The following METTL2B variants were observed in gnomAD, a reference collection of about 807,000 sequenced individuals.
METTL2B encodes the protein methyltransferase 2B, tRNA N3-cytidine.
METTL2B carries 28 observed loss-of-function variants against 51.0 expected under a neutral mutation model. The ratio of observed to expected loss-of-function variants is 0.55; its 90% confidence interval spans 0.41 to 0.75. METTL2B has a LOEUF of 0.75. METTL2B is among the 30% of genes least tolerant of loss of function. The probability of loss-of-function intolerance (pLI) is 0.00; values close to 1 mark genes in which losing one functional copy is unlikely to be tolerated. For missense variants in METTL2B, 313 were observed against 460.7 expected (o/e 0.68, Z 2.93); for synonymous variants, 128 against 166.3 (o/e 0.77, Z 1.77).
At position 128,476,948 on chromosome 7, in the gene METTL2B, C is replaced by T. The variant is rs533600850; in HGVS notation, c.110+73C>T. ...GCCGCCTCGGAGCATTCCGAAAAGC[C>T]CCTGACCGCCGGCCACGAGTCAAGC... On this transcript the variant is annotated intron_variant, in intron 1 of 8. Transcript: ENST00000262432. 6.5e-5 allele frequency: 104 copies of T among 1,598,376 alleles called. No homozygotes were observed. The South Asian group carries it at 8.7e-4, about 13-fold the overall frequency.
At chr7:128,497,136 A>G (rs73463128) in intron 6 of METTL2B, among the ~76,000 whole-genome samples, 2,018 of 152,228 alleles carry the variant, frequency 0.013, 38 homozygotes, top group African/African-American at 0.045. Context: ...TAGCATTTAG[A>G]CTTCTCAAGT....
chr7:128,499,378 G>GTTT (rs1792984307), intron 7 of METTL2B, among the ~76,000 whole-genome samples: 1 of 152,072 alleles, frequency 6.6e-6, no homozygotes, highest in African/African-American at 2.4e-5. Context: ...TTCAGATGGA[G>GTTT]TTTTGCCCTT....
At chr7:128,489,230 A>T (rs1013165469) in intron 5 of METTL2B, among the ~76,000 whole-genome samples, 3 of 152,216 alleles carry the variant, frequency 2.0e-5, no homozygotes, top group Non-Finnish European at 4.4e-5. Flanking sequence ...CAGGAGTTCA[A>T]GACTGGCCTA....
At chr7:128,482,995 T>C (rs1210305064) in intron 4 of METTL2B, 1 of 152,244 alleles carries the variant, frequency 6.6e-6, no homozygotes, top group Non-Finnish European at 1.5e-5. Context: ...ATTACTAATA[T>C]ACATTTAAAT....
At chr7:128,481,754 C>T (rs1452237950) in intron 4 of METTL2B, among the ~76,000 whole-genome samples, 3 of 152,200 alleles carry the variant, frequency 2.0e-5, no homozygotes, top group Non-Finnish European at 2.9e-5. Flanking sequence ...GCAATCGTCT[C>T]ACCTCAGCCT....
intron 6 of METTL2B, among the ~76,000 whole-genome samples, chr7:128,494,791 C>T (rs1170907642): frequency 9.9e-5 from 15 of 152,040 alleles, no homozygotes; most frequent in African/African-American, 3.6e-4. Context: ...CCATGCCTGG[C>T]TAATTTTTGT....
chr7:128,483,936 C>A, intron 4 of METTL2B: 1 of 152,188 alleles, frequency 6.6e-6, no homozygotes, highest in Non-Finnish European at 1.5e-5. Context: ...GTTGGTCAGG[C>A]TGGTCTCGAA....
In METTL2B at chr7:128,501,948, G is replaced by A. The variant is rs777593317; in HGVS notation, c.*32G>A. ...CCTGCTGCCAACACGATGCAAGCCC[G>A]TTGTGTTTCCGAGCTTTTTTAAAAA... On this transcript the variant is annotated 3_prime_UTR_variant, in exon 9 of 9. Coordinates refer to ENST00000262432, the MANE Select transcript of METTL2B (RefSeq NM_018396.3). 52 of 1,608,426 alleles carry A rather than the reference G, an allele frequency of 3.2e-5. No individual in the cohort carries two copies. In the Admixed American group the frequency reaches 5.4e-4, roughly 17 times the overall value.
chr7:128,478,732 C>A (rs61391389), intron 2 of METTL2B, among the ~76,000 whole-genome samples: 1 of 150,812 alleles, frequency 6.6e-6, no homozygotes, highest in African/African-American at 2.4e-5. Context: ...CGGGCGTGGT[C>A]GTGGGCCTGT....
rs1171845417 is a variant in METTL2B at position 128,479,511 on chromosome 7, G to C, written c.556G>C (p.Glu186Gln). 1 of 1,612,718 alleles carries C rather than the reference G, an allele frequency of 6.2e-7. No homozygotes were observed. Among genetic ancestry groups the C allele is most frequent in the African/African-American group, 1.3e-5 (1 of 74,830 alleles). Residue 186 changes from glutamate to glutamine, a missense_variant and splice_region_variant, in exon 3 of 9, where the codon GAG becomes CAG. Around this residue, in one of 4 missense-constraint regions of METTL2B, gnomAD observed 42 missense variants for 113.4 expected, o/e 0.37. Transcript: ENST00000262432. ...ATCCTCAGCCACCTACCGAATACTG[G>C]AGGTAACCTTTTATTGTCTTGGTAG... ...PGSSATYRIL[E>Q]VGCGVGNTVF...
Position 128,476,855 on chromosome 7 carries a change from C to T in METTL2B, c.90C>T (p.Arg30=), listed in dbSNP as rs372110665. The change falls in exon 1 of 9, where the codon CGC becomes CGT. Residue 30 remains arginine (R), a synonymous_variant. Transcript: ENST00000262432. Reference sequence around the variant, plus strand: ...GCCGGTTCCTGAGCGATCCGGCGCGCGTCTTCCACCACAATGCCTGGTAAT... The same window carrying T: ...GCCGGTTCCTGAGCGATCCGGCGCGTGTCTTCCACCACAATGCCTGGTAAT... ...FGSRFLSDPA[R]VFHHNAWDNV... The T allele has an allele frequency of 3.7e-6, 6 of 1,613,968 alleles. No homozygotes were observed. The African/African-American group carries it at 8.0e-5, about 22-fold the overall frequency.
chr7:128,496,073 G>T (rs1792917814), intron 6 of METTL2B, among the ~76,000 whole-genome samples: 1 of 152,138 alleles, frequency 6.6e-6, no homozygotes, highest in Admixed American at 6.6e-5. Context: ...TTATCTCCCA[G>T]AGTCCAAGGA....
chr7:128,493,685 G>C (rs1792875025), intron 5 of METTL2B, 119 bp from the exon 6 acceptor site: 2 of 1,417,924 alleles, frequency 1.4e-6, no homozygotes, highest in Non-Finnish European at 1.9e-6. Flanking sequence ...AAAGAAAAAA[G>C]AAATAGATCC....
rs188159686 is a variant in METTL2B at position 128,484,593 on chromosome 7, T to C, written c.609-3508T>C. Among the ~76,000 whole-genome samples the C allele has an allele frequency of 2.4e-3, 364 of 152,184 alleles. 2 individuals are homozygous for C. The highest frequency in any genetic ancestry group is 8.2e-3 in the African/African-American group (339 of 41,516). ...TTTTTTGTTTGGTTGGTTTTTTGTTTTGTTTTGGTTTGGTTTTGAGGTGGC... is the reference window on the plus strand; with the variant it reads ...TTTTTTGTTTGGTTGGTTTTTTGTTCTGTTTTGGTTTGGTTTTGAGGTGGC... On this transcript the variant is annotated intron_variant, in intron 4 of 8. Transcript: ENST00000262432.
chr7:128,486,956 T>G (rs1176912033), intron 4 of METTL2B, among the ~76,000 whole-genome samples: 3 of 152,156 alleles, frequency 2.0e-5, no homozygotes, highest in Non-Finnish European at 4.4e-5. Context: ...CCTGGCTGAT[T>G]CGAGAACAGG....
At chr7:128,480,755 C>T (rs1257382376) in intron 4 of METTL2B, 59 bp downstream of exon 4, 34 of 1,509,904 alleles carry the variant, frequency 2.3e-5, no homozygotes, top group Admixed American at 4.0e-5. Flanking sequence ...GTTGGCTGGG[C>T]GCATTGCTTC....
intron 7 of METTL2B, among the ~76,000 whole-genome samples, chr7:128,498,349 G>T (rs10230632): frequency 6.7e-6 from 1 of 149,356 alleles, no homozygotes; most frequent in African/African-American, 2.5e-5. Context: ...TCTGGAGGTG[G>T]GGGGGCTGGG....
chr7:128,477,903 A>G (rs949555528), intron 2 of METTL2B: 3 of 442,212 alleles, frequency 6.8e-6, no homozygotes, highest in Admixed American at 2.4e-5. Flanking sequence ...GTTAATAGTT[A>G]AAAGGGATTT....
Position 128,503,541 on chromosome 7 carries a change from C to T in METTL2B, c.*1625C>T, listed in dbSNP as rs546285014. 9 of 151,810 alleles carry T rather than the reference C, an allele frequency of 5.9e-5. No homozygotes were observed. Among genetic ancestry groups the T allele is most frequent in the African/African-American group, 1.7e-4 (7 of 41,378 alleles). The allele number at this position is 151,810 out of a possible 1,614,324, so 9.4% of individuals were successfully genotyped here. A position where few individuals can be genotyped will look rare whatever the true frequency, so the allele number is the denominator to read the frequency against. On this transcript the variant is annotated 3_prime_UTR_variant, in exon 9 of 9. Coordinates refer to ENST00000262432, the MANE Select transcript of METTL2B (RefSeq NM_018396.3). ...ACCTCGAACTTCTGGCTTGAGCCAT[C>T]GCTCCACCTCAGCCTCCTGAGTAGC...
Sources: allele counts gnomAD v4.1 joint callset (sites outside exome capture counted in the v4.1 genomes callset), GRCh38; gene constraint gnomAD v4.1.1; regional missense constraint gnomAD v4.1.1; transcripts MANE v1.5; gene names NCBI Gene and HGNC (gene_info 2026-07-23, HGNC 2026-07-21).